MMRN1: variants seen among roughly 807,000 people sequenced by gnomAD.
MMRN1 encodes multimerin-1.
MMRN1 carries 94 observed loss-of-function variants against 100.7 expected under a neutral mutation model. The observed-to-expected ratio is 0.93, with a 90% CI of 0.79 to 1.11. MMRN1 has a LOEUF of 1.11. Ranked by LOEUF, MMRN1 falls within the 50% of genes least tolerant of loss-of-function variation. The probability of loss-of-function intolerance (pLI) is 0.00; values close to 1 mark genes in which losing one functional copy is unlikely to be tolerated. For synonymous variants in MMRN1, 575 were observed against 505.0 expected (o/e 1.14, Z -1.86); for missense variants, 1,606 against 1,439.1 (o/e 1.12, Z -1.88).
intron 1 of MMRN1, among the ~76,000 whole-genome samples, chr4:89,889,449 C>T (rs1278630993): frequency 1.3e-5 from 2 of 152,104 alleles, no homozygotes; most frequent in Non-Finnish European, 2.9e-5. Context: ...ATCAAAGGGA[C>T]CAGGCATAGT....
intron 3 of MMRN1, among the ~76,000 whole-genome samples, chr4:89,921,070 A>ATCTT (rs1321733284): frequency 1.3e-5 from 2 of 152,160 alleles, no homozygotes; most frequent in African/African-American, 4.8e-5. Context: ...AAACAATATT[A>ATCTT]TCTTTGCTTT....
intron 6 of MMRN1, among the ~76,000 whole-genome samples, chr4:89,948,197 C>T (rs1171470135): frequency 6.6e-6 from 1 of 152,182 alleles, no homozygotes; most frequent in Non-Finnish European, 1.5e-5. Context: ...CAAATAGCTT[C>T]AGTTGGAAAA....
intron 5 of MMRN1, among the ~76,000 whole-genome samples, chr4:89,931,013 G>T (rs537838074): frequency 6.6e-6 from 1 of 151,910 alleles, no homozygotes; most frequent in African/African-American, 2.4e-5. Context: ...GTACTTTAAG[G>T]CTGTGTGTCA....
chr4:89,927,967 A>T lies in MMRN1; in HGVS notation c.1128A>T (p.Lys376Asn), dbSNP rs772498785. ...DKSREFQSLL[K>N]GLKSKSINVL... ...GCAGAGAATTTCAATCTCTTCTAAA[A>T]GGTAAAAATGAAATAAAATAAAATA... The change falls in exon 5 of 8, where the codon AAA (lysine) becomes AAT (asparagine). Residue 376 changes from lysine (K) to asparagine (N), a missense_variant and splice_region_variant. Coordinates refer to ENST00000264790, the MANE Select transcript of MMRN1 (RefSeq NM_007351.3). 6.4e-7 allele frequency: 1 copy of T among 1,563,054 alleles called. No individual in the cohort carries two copies. Among genetic ancestry groups the T allele is most frequent in the East Asian group, 2.3e-5 (1 of 43,338 alleles).
rs1288937261 is a variant in MMRN1, at chr4:89,896,858, C to T, written c.623+1264C>T. On this transcript the variant is annotated intron_variant, in intron 1 of 7. Coordinates refer to ENST00000264790, the MANE Select transcript of MMRN1 (RefSeq NM_007351.3). ...AATTTTTCGAAATATATAAGTAAAT[C>T]TGATTGTAACTAAAAAAGTATTCAC... 3.3e-5 allele frequency among the ~76,000 whole-genome samples: 5 copies of T among 152,180 alleles called. No individual in the cohort carries two copies. In the East Asian group the frequency reaches 9.7e-4, roughly 29 times the overall value.
At chr4:89,923,063 C>A (rs1173381865) in intron 3 of MMRN1, 105 bp from the exon 4 acceptor site, 17 of 884,856 alleles carry the variant, frequency 1.9e-5, no homozygotes, top group Non-Finnish European at 3.1e-5. Context: ...CATCATGCTT[C>A]AGTACGCGGG....
In MMRN1 at chr4:89,882,991, T is replaced by G. The variant is rs562641724; in HGVS notation, c.-249+3389T>G. 2.6e-5 allele frequency among the ~76,000 whole-genome samples: 4 copies of G among 152,190 alleles called. No homozygotes were observed. In the East Asian group the frequency reaches 7.7e-4, roughly 29 times the overall value. On this transcript the variant is annotated intron_variant, in intron 1 of 8. Transcript: ENST00000394980. ...AAATTAGTATTTCTTGCTCTTGAAC[T>G]TCATATAAATATAACTATAACATAA...
intron 1 of MMRN1, chr4:89,879,699 C>G (rs1373179242): frequency 6.6e-6 from 1 of 152,082 alleles, no homozygotes; most frequent in East Asian, 1.9e-4. Context: ...AGGTCTATTT[C>G]AAGTATTAGT....
At chr4:89,906,595 G>A (rs1027041541) in intron 1 of MMRN1, among the ~76,000 whole-genome samples, 3 of 151,452 alleles carry the variant, frequency 2.0e-5, no homozygotes, top group Non-Finnish European at 4.4e-5. Flanking sequence ...GCTTGTCTGG[G>A]ATCATTGCAT....
intron 6 of MMRN1, among the ~76,000 whole-genome samples, chr4:89,938,029 C>T (rs1030872342): frequency 6.6e-6 from 1 of 151,928 alleles, no homozygotes; most frequent in Non-Finnish European, 1.5e-5. Flanking sequence ...TATGAGTCTG[C>T]TGTTAAATTA....
chr4:89,896,205 T>A (rs977727229), intron 1 of MMRN1, among the ~76,000 whole-genome samples: 1 of 152,098 alleles, frequency 6.6e-6, no homozygotes. Context: ...CTCGTTCAGA[T>A]AAAAATGAAT....
intron 3 of MMRN1, among the ~76,000 whole-genome samples, chr4:89,918,186 T>C (rs908625946): frequency 1.3e-5 from 2 of 151,036 alleles, no homozygotes; most frequent in African/African-American, 4.8e-5. Context: ...AAATAGAATA[T>C]ATAAGTTTCA....
intron 6 of MMRN1, among the ~76,000 whole-genome samples, chr4:89,948,562 T>C (rs985800865): frequency 5.9e-5 from 9 of 152,090 alleles, no homozygotes; most frequent in Non-Finnish European, 8.8e-5. Flanking sequence ...GATGCAGAAA[T>C]AGACAATGAA....
chr4:89,918,662 T>G (rs1269302337), intron 3 of MMRN1, among the ~76,000 whole-genome samples: 1 of 151,902 alleles, frequency 6.6e-6, no homozygotes, highest in East Asian at 1.9e-4. Context: ...CATTATACTT[T>G]CAGTCAGAAA....
rs879019545 is a variant in MMRN1 at position 89,934,868 on chromosome 4, A to C, written c.1188A>C (p.Lys396Asn). ...LIRDIVREQF[K>N]IFQNDMQETV... ...GAGACATAGTAAGAGAACAATTTAA[A>C]ATTTTTCAAAATGACATGCAAGAGA... Residue 396 changes from lysine to asparagine, a missense_variant, in exon 6 of 8, where the codon AAA (lysine) becomes AAC (asparagine). Transcript: ENST00000264790. 2.5e-6 allele frequency: 4 copies of C among 1,587,636 alleles called. No individual in the cohort carries two copies. Among genetic ancestry groups the C allele is most frequent in the Non-Finnish European group, 2.6e-6 (3 of 1,171,154 alleles).
At chr4:89,915,605 A>G (rs1215002988) in intron 3 of MMRN1, among the ~76,000 whole-genome samples, 1 of 151,558 alleles carries the variant, frequency 6.6e-6, no homozygotes, top group Non-Finnish European at 1.5e-5. Context: ...TAATTAAAAA[A>G]AAAAGCATCT....
chr4:89,884,470 A>G (rs1720891710), intron 1 of MMRN1, among the ~76,000 whole-genome samples: 1 of 152,188 alleles, frequency 6.6e-6, no homozygotes, highest in Non-Finnish European at 1.5e-5. Context: ...AACTTTAATG[A>G]ATTGCTGTTC....
At chr4:89,919,484 C>T (rs1722022003) in intron 3 of MMRN1, among the ~76,000 whole-genome samples, 1 of 151,454 alleles carries the variant, frequency 6.6e-6, no homozygotes, top group Non-Finnish European at 1.5e-5. Flanking sequence ...TTGAATCCAA[C>T]GTTTACCTAG....
rs756722054 is a variant in MMRN1 at position 89,936,006 on chromosome 4, A to G, written c.2326A>G (p.Ile776Val). 6.2e-7 allele frequency: 1 copy of G among 1,613,330 alleles called. No homozygotes were observed. The highest frequency in any genetic ancestry group is 1.7e-5 in the Admixed American group (1 of 59,944). ...TSDMETILTFIPQFHRLNDSI... is the reference protein window; with the variant it reads ...TSDMETILTFVPQFHRLNDSI... The stretch of plus-strand genomic sequence containing the variant: ...CGATATGGAAACTATTTTGACATTT[A>G]TTCCTCAGTTCCACCGTCTGAATGA... Residue 776 changes from isoleucine to valine, a missense_variant, in exon 6 of 8, where the codon ATT (isoleucine) becomes GTT (valine). Coordinates refer to ENST00000264790, the MANE Select transcript of MMRN1 (RefSeq NM_007351.3).
Sources: gnomAD v4.1 joint callset for allele counts (sites outside exome capture counted in the v4.1 genomes callset) on GRCh38, gnomAD v4.1.1 for gene constraint, MANE v1.5 for transcripts, NCBI Gene and HGNC (gene_info 2026-07-23, HGNC 2026-07-21) for gene names.